Variants in HACD2 observed in about 807,000 individuals in gnomAD.
HACD2 encodes the protein very-long-chain (3R)-3-hydroxyacyl-CoA dehydratase 2.
In HACD2, 15 loss-of-function variants were observed where a neutral mutation model predicts 31.0. The observed-to-expected ratio is 0.48, with a 90% CI of 0.32 to 0.75. The LOEUF (loss-of-function observed/expected upper bound fraction) is 0.75, where lower values mean the gene tolerates loss of function less well. HACD2 is among the 30% of genes least tolerant of loss of function. HACD2 has a pLI of 0.03. For missense variants in HACD2, 283 were observed against 313.0 expected, an observed-to-expected ratio of 0.90 and a Z score of 0.72; for synonymous variants, 115 against 122.2, an observed-to-expected ratio of 0.94 and a Z score of 0.39.
chr3:123,505,428 C>CA (rs2055962714), intron 4 of HACD2, among the ~76,000 whole-genome samples: 1 of 151,974 alleles, frequency 6.6e-6, no homozygotes, highest in African/African-American at 2.4e-5. Flanking sequence ...TCTTTTACCA[C>CA]AAAAAATAAA....
At chr3:123,567,875 C>T in intron 2 of HACD2, 95 bp from the exon 3 acceptor site, 1 of 658,544 alleles carries the variant, frequency 1.5e-6, no homozygotes, top group Admixed American at 3.3e-5. Context: ...AAGAATAGAG[C>T]AGCGTCTGCC....
At chr3:123,584,595 T>A in intron 1 of HACD2, 1 of 268,130 alleles carries the variant, frequency 3.7e-6, no homozygotes. Context: ...CCACCTTTCC[T>A]CCCGCGGCCC....
Position 123,492,339 on chromosome 3 carries a change from C to T in HACD2, c.*2549G>A, listed in dbSNP as rs2055774408. 1 of 152,152 alleles carries T rather than the reference C, an allele frequency of 6.6e-6. No homozygotes were observed. Among genetic ancestry groups the T allele is most frequent in the African/African-American group, 2.4e-5 (1 of 41,442 alleles). 9.4% of individuals were successfully genotyped at this position (152,152 alleles called of 1,614,324 possible). On this transcript the variant is annotated 3_prime_UTR_variant, in exon 7 of 7. Transcript: ENST00000383657. ...CCTGAAATGAAACCTCTAAGTCTGA[C>T]AAAATACCCACAAAAACATGACCTT...
intron 3 of HACD2, chr3:123,543,700 G>A (rs756877811): frequency 6.0e-5 from 25 of 417,696 alleles, no homozygotes; most frequent in Middle Eastern, 3.4e-4. Context: ...ATAGCCACTC[G>A]AATTATAACA....
At chr3:123,578,178 C>A (rs1455532408) in intron 2 of HACD2, among the ~76,000 whole-genome samples, 1 of 152,208 alleles carries the variant, frequency 6.6e-6, no homozygotes, top group Non-Finnish European at 1.5e-5. Context: ...CAAGATTTAT[C>A]CAGGCATATA....
intron 4 of HACD2, among the ~76,000 whole-genome samples, chr3:123,522,038 G>C (rs924466294): frequency 6.6e-6 from 1 of 152,190 alleles, no homozygotes; most frequent in African/African-American, 2.4e-5. Context: ...CGGTGTGGTG[G>C]CTCATGCCTG....
chr3:123,580,275 A>G (rs3108520), intron 2 of HACD2, among the ~76,000 whole-genome samples: 42,488 of 152,118 alleles, frequency 0.28, 7,437 homozygotes, highest in East Asian at 0.6. Context: ...CGTGAGAGTG[A>G]ATCCAGCCTG....
chr3:123,500,760 A>G (rs145263614), intron 5 of HACD2, 67 bp from the exon 6 acceptor site: 121 of 1,039,232 alleles, frequency 1.2e-4, no homozygotes, highest in Non-Finnish European at 1.5e-4. Flanking sequence ...TGCACTTCCC[A>G]CCCTTCTAAT....
chr3:123,506,644 A>G (rs2055978978), intron 4 of HACD2, among the ~76,000 whole-genome samples: 1 of 152,054 alleles, frequency 6.6e-6, no homozygotes, highest in African/African-American at 2.4e-5. Context: ...TATGTTGCCC[A>G]GGCTGGTCTT....
chr3:123,585,008 G>C lies in HACD2; in HGVS notation c.20C>G (p.Thr7Ser). Residue 7 changes from threonine to serine, a missense_variant, in exon 1 of 7, where the codon ACT becomes AGT. Transcript: ENST00000383657. ...GCCCCCATTCCCCTTCGCTGCTGCA[G>C]TCGCCGCCACTGCCGCCATGTCAAG... MAAVAA[T>S]AAAKGNGGGG... The C allele has an allele frequency of 1.3e-6, 2 of 1,511,862 alleles. No homozygotes were observed. The highest frequency in any genetic ancestry group is 1.8e-6 in the Non-Finnish European group (2 of 1,131,460). The allele number at this position is 1,511,862 out of a possible 1,614,324, so 93.7% of individuals were successfully genotyped here.
intron 4 of HACD2, among the ~76,000 whole-genome samples, chr3:123,503,262 CAAAA>C (rs113416649): frequency 1.1e-5 from 1 of 89,030 alleles, no homozygotes; most frequent in Non-Finnish European, 2.4e-5. Context: ...GAGACTGTCT[CAAAA>C]AAAAAAAAAA....
At position 123,503,708 on chromosome 3, in the gene HACD2, CAA is replaced by C. The variant is rs398038348; in HGVS notation, c.382-1029_382-1028del. Among the ~76,000 whole-genome samples, 261 of 97,334 alleles carry C rather than the reference CAA, an allele frequency of 2.7e-3. 1 individual carries two copies. The highest frequency in any genetic ancestry group is 5.4e-3 in the African/African-American group (161 of 29,900). The allele number at this position is 97,334 out of a possible 152,430, so 63.9% of individuals were successfully genotyped here. ...CCAATTTATATTAGTTTCCATGCAT[CAA>C]AAAAAAAAAAAAAAAAGACCGTCCA... On this transcript the variant is annotated intron_variant, in intron 4 of 6. Transcript: ENST00000383657.
intron 4 of HACD2, among the ~76,000 whole-genome samples, chr3:123,526,292 C>T (rs2056282457): frequency 1.3e-5 from 2 of 152,188 alleles, no homozygotes; most frequent in Admixed American, 6.5e-5. Context: ...GCACCTACTG[C>T]TCTAAACAAA....
chr3:123,533,345 C>T (rs1262138236), intron 3 of HACD2, among the ~76,000 whole-genome samples: 6 of 152,314 alleles, frequency 3.9e-5, no homozygotes, highest in South Asian at 2.1e-4. Flanking sequence ...GACAGGGTTT[C>T]GCCATGATGC....
intron 3 of HACD2, among the ~76,000 whole-genome samples, chr3:123,537,185 C>T (rs182554304): frequency 6.6e-6 from 1 of 152,224 alleles, no homozygotes; most frequent in East Asian, 1.9e-4. Context: ...AGAATATTGT[C>T]TAAATGTCCT....
At chr3:123,507,050 G>A (rs959460169) in intron 4 of HACD2, among the ~76,000 whole-genome samples, 2 of 152,160 alleles carry the variant, frequency 1.3e-5, no homozygotes, top group African/African-American at 4.8e-5. Context: ...TTGAGGCCAG[G>A]AGCTGCGATC....
chr3:123,551,768 G>A (rs1160672728), intron 3 of HACD2, among the ~76,000 whole-genome samples: 1 of 152,152 alleles, frequency 6.6e-6, no homozygotes, highest in Non-Finnish European at 1.5e-5. Flanking sequence ...AATCACAGCT[G>A]TATAAACATT....
At chr3:123,568,037 A>G (rs2056810916) in intron 2 of HACD2, among the ~76,000 whole-genome samples, 1 of 152,196 alleles carries the variant, frequency 6.6e-6, no homozygotes, top group African/African-American at 2.4e-5. Context: ...TACTCTTCCC[A>G]CTCAGTAGCT....
At chr3:123,576,884 C>G (rs2056913252) in intron 2 of HACD2, among the ~76,000 whole-genome samples, 1 of 152,166 alleles carries the variant, frequency 6.6e-6, no homozygotes, top group South Asian at 2.1e-4. Context: ...TACCCAAAAT[C>G]AATTTCCTAT....
Sources: gnomAD v4.1 joint callset for allele counts (sites outside exome capture counted in the v4.1 genomes callset) on GRCh38, gnomAD v4.1.1 for gene constraint, MANE v1.5 for transcripts, NCBI Gene and HGNC (gene_info 2026-07-23, HGNC 2026-07-21) for gene names.